Variants in THNSL1 observed in about 807,000 individuals in gnomAD.
THNSL1 encodes the protein threonine synthase-like 1.
In THNSL1, 48 loss-of-function variants were observed where a neutral mutation model predicts 50.4. That is an observed-to-expected ratio of 0.95 (90% confidence interval 0.76 to 1.21). The LOEUF is 1.21. Among genes scored for constraint, THNSL1 ranks in the 50% most tolerant of loss-of-function variants. The pLI is 0.00. For missense variants in THNSL1, 896 were observed against 871.7 expected, an observed-to-expected ratio of 1.03 and a Z score of -0.35; for synonymous variants, 309 against 306.1, an observed-to-expected ratio of 1.01 and a Z score of -0.10.
At position 25,025,438 on chromosome 10, in the gene THNSL1, C is replaced by T; in HGVS notation, c.2215C>T (p.Gln739Ter). 6.2e-7 allele frequency: 1 copy of T among 1,602,824 alleles called. No homozygotes were observed. Among genetic ancestry groups the T allele is most frequent in the Non-Finnish European group, 8.5e-7 (1 of 1,176,010 alleles). The change falls in exon 3 of 3, where the codon CAA becomes TAA. Residue 739 changes from glutamine (Q) to a stop codon, truncating the protein, a stop_gained. Coordinates refer to ENST00000376356, the MANE Select transcript of THNSL1 (RefSeq NM_024838.5). LOFTEE classifies it high-confidence loss of function. Reference sequence around the variant, plus strand: ...GAAGAGTCATGTGGAACAACTTGTCCAAAATCAATTCATATGAAAGCTTTC... The same window carrying T: ...GAAGAGTCATGTGGAACAACTTGTCTAAAATCAATTCATATGAAAGCTTTC... Reference protein sequence around the residue: ...VLKSHVEQLVQNQFI With the variant: ...VLKSHVEQLV
chr10:24,976,696 G>A, the THNSL1 span, among the ~76,000 whole-genome samples: 1 of 151,980 alleles, frequency 6.6e-6, no homozygotes, highest in East Asian at 1.9e-4. Context: ...TTTTCACCAT[G>A]TTGGCCAGGC....
the THNSL1 span, among the ~76,000 whole-genome samples, chr10:24,974,809 G>A: frequency 2.6e-5 from 4 of 152,260 alleles, no homozygotes; most frequent in South Asian, 8.3e-4. Context: ...TAAAGGGTGT[G>A]CCAAAGCTAT....
chr10:25,005,403 G>T, the THNSL1 span, among the ~76,000 whole-genome samples: 1 of 151,898 alleles, frequency 6.6e-6, no homozygotes, highest in African/African-American at 2.4e-5. Context: ...TATTTCAAAG[G>T]GCACACAAGG....
At chr10:24,952,623 G>A in the THNSL1 span, 1 of 1,545,998 alleles carries the variant, frequency 6.5e-7, no homozygotes, top group Non-Finnish European at 8.8e-7. This position sits in a 1 kb window ranked among gnomAD's most constrained non-coding sequence, Gnocchi z 5.1. Context: ...GGAAGGAGCA[G>A]GGAGGGCGAA....
At chr10:24,959,366 A>T in the THNSL1 span, among the ~76,000 whole-genome samples, 1 of 152,220 alleles carries the variant, frequency 6.6e-6, no homozygotes, top group African/African-American at 2.4e-5. Context: ...TATGGGTTGC[A>T]TCTTAGAGTT....
chr10:25,004,774 A>G, the THNSL1 span, among the ~76,000 whole-genome samples: 1,934 of 152,242 alleles, frequency 0.013, 45 homozygotes, highest in African/African-American at 0.044. Context: ...ATTAGATCCC[A>G]TATGTCAATT....
chr10:24,976,047 C>T, the THNSL1 span, among the ~76,000 whole-genome samples: 1 of 152,186 alleles, frequency 6.6e-6, no homozygotes, highest in South Asian at 2.1e-4. Flanking sequence ...GTCACATGCA[C>T]TGTCACAGAA....
At chr10:24,993,105 G>A in the THNSL1 span, among the ~76,000 whole-genome samples, 6 of 152,100 alleles carry the variant, frequency 3.9e-5, no homozygotes, top group Non-Finnish European at 8.8e-5. Flanking sequence ...ACCAGCCTGG[G>A]CAACATAGTG....
At chr10:25,005,494 A>T in the THNSL1 span, among the ~76,000 whole-genome samples, 1 of 152,210 alleles carries the variant, frequency 6.6e-6, no homozygotes, top group South Asian at 2.1e-4. Flanking sequence ...CAAAATAGGC[A>T]TCAAGGATTA....
At chr10:25,008,761 T>C in the THNSL1 span, among the ~76,000 whole-genome samples, 1 of 152,198 alleles carries the variant, frequency 6.6e-6, no homozygotes, top group Non-Finnish European at 1.5e-5. Flanking sequence ...ACTGGGTATA[T>C]ACCCAAAGGA....
At chr10:24,992,521 A>G in the THNSL1 span, among the ~76,000 whole-genome samples, 1 of 151,966 alleles carries the variant, frequency 6.6e-6, no homozygotes, top group Non-Finnish European at 1.5e-5. Flanking sequence ...AGTGGAGGTG[A>G]CCTCTGCCAC....
chr10:24,979,264 T>C, the THNSL1 span, among the ~76,000 whole-genome samples: 1 of 152,202 alleles, frequency 6.6e-6, no homozygotes, highest in Non-Finnish European at 1.5e-5. Flanking sequence ...ATAAGCATAG[T>C]GGGTCCAATG....
chr10:24,998,529 C>T, the THNSL1 span, among the ~76,000 whole-genome samples: 3 of 151,992 alleles, frequency 2.0e-5, no homozygotes, highest in African/African-American at 7.2e-5. Flanking sequence ...TGCATGCCAT[C>T]ACACCTAGCT....
At chr10:24,956,761 C>T in the THNSL1 span, among the ~76,000 whole-genome samples, 3 of 152,222 alleles carry the variant, frequency 2.0e-5, no homozygotes, top group Admixed American at 1.3e-4. Context: ...CCCCAACTAC[C>T]GGGCTGCAAA....
At chr10:24,998,124 G>A in the THNSL1 span, among the ~76,000 whole-genome samples, 3 of 152,024 alleles carry the variant, frequency 2.0e-5, no homozygotes, top group East Asian at 5.8e-4. Context: ...GGTTGAGAGA[G>A]GATTTGGGGA....
the THNSL1 span, among the ~76,000 whole-genome samples, chr10:24,954,894 C>T: frequency 6.6e-6 from 1 of 152,176 alleles, no homozygotes; most frequent in Non-Finnish European, 1.5e-5. Context: ...AGGCTTTATT[C>T]TTAATCTTGC....
At chr10:24,972,941 A>G in the THNSL1 span, among the ~76,000 whole-genome samples, 3 of 152,186 alleles carry the variant, frequency 2.0e-5, no homozygotes, top group Non-Finnish European at 4.4e-5. Context: ...TTTATATACT[A>G]CATATTTTTT....
chr10:25,015,699 G>A (rs1006569234), upstream of THNSL1, among the ~76,000 whole-genome samples: 3 of 152,140 alleles, frequency 2.0e-5, no homozygotes, highest in Non-Finnish European at 4.4e-5. Context: ...TGAATACCTA[G>A]ATATTTCGAC....
chr10:24,974,279 T>A, the THNSL1 span, among the ~76,000 whole-genome samples: 37 of 151,776 alleles, frequency 2.4e-4, no homozygotes, highest in African/African-American at 6.0e-4. Context: ...ATGTGATTTT[T>A]AAAAAAAAAT....
Sources: allele counts gnomAD v4.1 joint callset (sites outside exome capture counted in the v4.1 genomes callset), GRCh38; gene constraint gnomAD v4.1.1; non-coding constraint Gnocchi (gnomAD v3.1); transcripts MANE v1.5; gene names NCBI Gene and HGNC (gene_info 2026-07-23, HGNC 2026-07-21).